RAG1: variants seen among roughly 807,000 people sequenced by gnomAD.
The protein encoded by RAG1 is recombination activating 1, also known as V(D)J recombination-activating protein 1.
In RAG1, 35 loss-of-function variants were observed where a neutral mutation model predicts 62.7. That is an observed-to-expected ratio of 0.56 (90% CI 0.43 to 0.74). The LOEUF is 0.74. Among genes scored for constraint, RAG1 ranks in the 30% least tolerant of loss-of-function variants. The pLI is 0.00. For missense variants in RAG1, 1,169 were observed against 1,278.6 expected (o/e 0.91, Z 1.31); for synonymous variants, 461 against 470.3 (o/e 0.98, Z 0.26).
At chr11:36,567,047 A>T (rs1270689721), upstream of RAG1, among the ~76,000 whole-genome samples, 1 of 152,326 alleles carries the variant, frequency 6.6e-6, no homozygotes, top group East Asian at 1.9e-4. Context: ...ACAGAGACAG[A>T]GGTGTGTATA....
intron 1 of RAG1, among the ~76,000 whole-genome samples, chr11:36,571,872 C>G (rs1850751559): frequency 6.6e-6 from 1 of 152,162 alleles, no homozygotes; most frequent in Non-Finnish European, 1.5e-5. Flanking sequence ...CCAGCCTTGA[C>G]CTCCCAAAGT....
At chr11:36,540,445 T>C (rs184647517), downstream of RAG1, among the ~76,000 whole-genome samples, 21 of 152,254 alleles carry the variant, frequency 1.4e-4, no homozygotes, top group Admixed American at 1.0e-3. Context: ...CTCTCTGTCA[T>C]CCAGGCTGGA....
chr11:36,560,053 A>T (rs1850559485), intron 3 of RAG1, among the ~76,000 whole-genome samples: 1 of 152,124 alleles, frequency 6.6e-6, no homozygotes. Context: ...TATAGTGTCG[A>T]TTGGGTAAAG....
chr11:36,575,027 G>A lies in RAG1; in HGVS notation c.1723G>A (p.Glu575Lys). 6.2e-7 allele frequency: 1 copy of A among 1,614,154 alleles called. No homozygotes were observed. The highest frequency in any genetic ancestry group is 8.5e-7 in the Non-Finnish European group (1 of 1,180,030). Residue 575 changes from glutamate (E) to lysine (K), a missense_variant, in exon 2 of 2, where the codon GAA becomes AAA. Around this residue, in one of 2 missense-constraint regions of RAG1, gnomAD observed 800 missense variants for 943.3 expected, o/e 0.85. Coordinates refer to ENST00000299440, the MANE Select transcript of RAG1 (RefSeq NM_000448.3). This position sits in a 1 kb window ranked among gnomAD's most constrained non-coding sequence, Gnocchi z 4.1. ...ALVSALMDMEEDILEGMRSQD... is the reference protein window; with the variant it reads ...ALVSALMDMEKDILEGMRSQD... ...GGTGTCTGCTTTGATGGACATGGAA[G>A]AAGACATCTTGGAAGGCATGAGATC... is the stretch of plus-strand genomic sequence containing the variant.
chr11:36,536,414 T>C (rs1315475638), downstream of RAG1, among the ~76,000 whole-genome samples: 1 of 152,156 alleles, frequency 6.6e-6, no homozygotes, highest in Non-Finnish European at 1.5e-5. Context: ...TCAAAAATCT[T>C]GCTCTTAGGG....
At chr11:36,526,821 T>C (rs973344189) in intron 2 of RAG1, among the ~76,000 whole-genome samples, 13 of 152,262 alleles carry the variant, frequency 8.5e-5, no homozygotes, top group Admixed American at 8.5e-4. Context: ...TTTGCATTTC[T>C]CTAATGACCA....
chr11:36,510,419 T>G (rs1027050916), upstream of RAG1: 35 of 152,450 alleles, frequency 2.3e-4, no homozygotes, highest in African/African-American at 8.2e-4. Flanking sequence ...GCTTTCTTCC[T>G]GCTCGGGTGT....
intron 2 of RAG1, among the ~76,000 whole-genome samples, chr11:36,535,534 A>G (rs1391877319): frequency 6.6e-6 from 1 of 152,188 alleles, no homozygotes; most frequent in Non-Finnish European, 1.5e-5. Flanking sequence ...ACCTGAGCTC[A>G]GGAGTTCGAG....
rs1445413478 is a variant in RAG1, at chr11:36,514,922, G to A, written n.330+3884G>A. ...TTCAGCAGAGTGGTCCATGCAGAGG[G>A]AACACCTATTGCAAAGGCCCTAAAG... On this transcript the variant is annotated intron_variant and non_coding_transcript_variant, in intron 1 of 2. Transcript: ENST00000529126. Among the ~76,000 whole-genome samples the A allele has an allele frequency of 2.0e-5, 3 of 152,324 alleles. No homozygotes were observed. In the East Asian group the frequency reaches 5.8e-4, roughly 29 times the overall value.
intron 2 of RAG1, among the ~76,000 whole-genome samples, chr11:36,525,279 C>T (rs1860142913): frequency 6.6e-6 from 1 of 152,150 alleles, no homozygotes; most frequent in African/African-American, 2.4e-5. Flanking sequence ...TCCACCAATG[C>T]TACAAAGTTG....
intron 3 of RAG1, among the ~76,000 whole-genome samples, chr11:36,546,562 TTTAGCC>T (rs2133269678): frequency 6.6e-6 from 1 of 152,324 alleles, no homozygotes; most frequent in Non-Finnish European, 1.5e-5. Context: ...ATTGGGGGCA[TTTAGCC>T]TGTTTATATT....
At chr11:36,545,701 C>G (rs539780639) in intron 3 of RAG1, among the ~76,000 whole-genome samples, 12 of 152,192 alleles carry the variant, frequency 7.9e-5, no homozygotes, top group African/African-American at 2.9e-4. Flanking sequence ...GACATTTAGG[C>G]CATTTTCAAC....
At chr11:36,572,830 CT>C in intron 1 of RAG1, among the ~76,000 whole-genome samples, 1 of 152,192 alleles carries the variant, frequency 6.6e-6, no homozygotes, top group East Asian at 1.9e-4. Context: ...TGGAAGACTG[CT>C]TTAAAAAGCT....
chr11:36,525,577 TTTG>T (rs1395461513), intron 2 of RAG1, among the ~76,000 whole-genome samples: 2 of 152,190 alleles, frequency 1.3e-5, no homozygotes, highest in African/African-American at 4.8e-5. Context: ...TCATCATCAT[TTTG>T]TTGTTTTCAG....
intron 1 of RAG1, among the ~76,000 whole-genome samples, chr11:36,572,686 A>G (rs1850767150): frequency 6.6e-6 from 1 of 152,222 alleles, no homozygotes; most frequent in Admixed American, 6.5e-5. Flanking sequence ...TATCCACGAT[A>G]CTTATTATTA....
At chr11:36,541,104 T>G (rs1399584504) in intron 3 of RAG1, among the ~76,000 whole-genome samples, 4 of 152,106 alleles carry the variant, frequency 2.6e-5, no homozygotes, top group African/African-American at 9.7e-5. Context: ...TGTAGACAAA[T>G]AGCAGGTGAG....
At chr11:36,564,100 T>C (rs1226431332), upstream of RAG1, among the ~76,000 whole-genome samples, 3 of 152,238 alleles carry the variant, frequency 2.0e-5, no homozygotes, top group African/African-American at 7.2e-5. Context: ...AGCAATCTTA[T>C]ACACCGGCCT....
At position 36,575,513 on chromosome 11, in the gene RAG1, C is replaced by T. The variant is rs760816389; in HGVS notation, c.2209C>T (p.Arg737Cys). Residue 737 changes from arginine (R) to cysteine (C), a missense_variant, in exon 2 of 2, where the codon CGT (arginine) becomes TGT (cysteine). Arg to Cys is a radical substitution (Grantham distance 180). Coordinates refer to ENST00000299440, the MANE Select transcript of RAG1 (RefSeq NM_000448.3). This position sits in a 1 kb window ranked among gnomAD's most constrained non-coding sequence, Gnocchi z 4.1. ...CATTTGTACTCTTTGTGATGCCACC[C>T]GTCTGGAAGCCTCTCAAAATCTTGT... is the stretch of plus-strand genomic sequence containing the variant. Reference protein sequence around the residue: ...VYICTLCDATRLEASQNLVFH... With the variant: ...VYICTLCDATCLEASQNLVFH... 5.6e-6 allele frequency: 9 copies of T among 1,614,210 alleles called. No individual in the cohort carries two copies. The highest frequency in any genetic ancestry group is 1.1e-5 in the South Asian group (1 of 91,076).
At chr11:36,545,075 T>A (rs181409530) in intron 3 of RAG1, among the ~76,000 whole-genome samples, 1 of 152,334 alleles carries the variant, frequency 6.6e-6, no homozygotes. Flanking sequence ...TAGAATTTAT[T>A]TATCCAGTGA....
Sources: allele counts gnomAD v4.1 joint callset (sites outside exome capture counted in the v4.1 genomes callset), GRCh38; gene constraint gnomAD v4.1.1; regional missense constraint gnomAD v4.1.1; non-coding constraint Gnocchi (gnomAD v3.1); transcripts MANE v1.5; gene names NCBI Gene and HGNC (gene_info 2026-07-23, HGNC 2026-07-21).